The following TNS3 variants were observed in gnomAD, a reference collection of about 807,000 sequenced individuals.
TNS3 encodes tensin-3.
Under a neutral mutation model 140.9 loss-of-function variants are expected in TNS3, and 45 were observed. The observed-to-expected ratio is 0.32, with a 90% CI of 0.25 to 0.41. TNS3 has a LOEUF of 0.41. TNS3 is among the 10% of genes least tolerant of loss of function. The pLI is 1.00. For synonymous variants in TNS3, 815 were observed against 788.4 expected (o/e 1.03, Z -0.56); for missense variants, 1,716 against 1,906.7 (o/e 0.90, Z 1.86).
At chr7:47,340,585 C>CTTTTTTCTTTTTTTTT in intron 20 of TNS3, among the ~76,000 whole-genome samples, 1 of 134,870 alleles carries the variant, frequency 7.4e-6, no homozygotes, top group South Asian at 2.4e-4. Flanking sequence ...TCTTTTTTTT[C>CTTTTTTCTTTTTTTTT]TTTTTTTTTT....
intron 17 of TNS3, among the ~76,000 whole-genome samples, chr7:47,349,742 C>A (rs552310115): frequency 2.8e-4 from 43 of 152,306 alleles, no homozygotes; most frequent in African/African-American, 9.9e-4. Flanking sequence ...AAAAACAGGA[C>A]AAAATGAGAC....
chr7:47,467,658 T>C (rs145224616), intron 4 of TNS3, among the ~76,000 whole-genome samples: 1 of 152,248 alleles, frequency 6.6e-6, no homozygotes, highest in Non-Finnish European at 1.5e-5. Flanking sequence ...TCAAGATGCC[T>C]TCAGTGACCT....
intron 1 of TNS3, among the ~76,000 whole-genome samples, chr7:47,553,293 C>A (rs1800109999): frequency 6.6e-6 from 1 of 152,216 alleles, no homozygotes. Flanking sequence ...TCAATGCAGA[C>A]AAAATCAGCC....
intron 3 of TNS3, among the ~76,000 whole-genome samples, chr7:47,497,697 A>ACACACACACACG (rs139313048): frequency 0.12 from 18,263 of 148,310 alleles, 1,478 homozygotes; most frequent in East Asian, 0.17. Context: ...ACACACACAC[A>ACACACACACACG]GAGCAGGAAA....
At position 47,336,548 on chromosome 7, in the gene TNS3, G is replaced by A. The variant is rs566008950; in HGVS notation, c.2650+8207C>T. ...TCTGTTTATTGTTTATTGAAGAATC[G>A]CTTGTTTGTGAGAAGGGTGGGTGAA... On this transcript the variant is annotated intron_variant, in intron 20 of 30. Coordinates refer to ENST00000311160, the MANE Select transcript of TNS3 (RefSeq NM_022748.12). Among the ~76,000 whole-genome samples, 13 of 152,258 alleles carry A rather than the reference G, an allele frequency of 8.5e-5. No individual in the cohort carries two copies. In the South Asian group the frequency reaches 1.9e-3, roughly 22 times the overall value.
chr7:47,376,777 C>G (rs1472146491), intron 16 of TNS3, among the ~76,000 whole-genome samples: 1 of 110,882 alleles, frequency 9.0e-6, no homozygotes, highest in Admixed American at 9.1e-5. Context: ...ACCTCACTCA[C>G]TCTTCAGAGA....
At chr7:47,567,386 A>G (rs1470531960) in intron 1 of TNS3, among the ~76,000 whole-genome samples, 1 of 152,124 alleles carries the variant, frequency 6.6e-6, no homozygotes, top group Non-Finnish European at 1.5e-5. Context: ...GCCATTCACA[A>G]TCACTTTAAG....
chr7:47,411,868 G>A, intron 12 of TNS3, 66 bp from the exon 13 acceptor site: 1 of 1,495,466 alleles, frequency 6.7e-7, no homozygotes, highest in Non-Finnish European at 9.2e-7. Flanking sequence ...AATACATGTA[G>A]AGAAAAGCAA....
chr7:47,370,303 C>A (rs761829535), intron 16 of TNS3, among the ~76,000 whole-genome samples: 6 of 152,044 alleles, frequency 3.9e-5, no homozygotes, highest in Non-Finnish European at 7.4e-5. Context: ...AAGAAAAAAA[C>A]TGAATGTCTG....
At chr7:47,471,424 A>G (rs946395080) in intron 4 of TNS3, among the ~76,000 whole-genome samples, 12 of 151,818 alleles carry the variant, frequency 7.9e-5, no homozygotes, top group African/African-American at 2.2e-4. Flanking sequence ...CCACTCACCC[A>G]TGGAGTCATT....
chr7:47,453,284 T>G, intron 4 of TNS3: 1 of 982,344 alleles, frequency 1.0e-6, no homozygotes, highest in Non-Finnish European at 1.2e-6. Context: ...AACAGCGCTC[T>G]CCGGGAGAGC....
intron 16 of TNS3, among the ~76,000 whole-genome samples, chr7:47,379,150 G>A (rs956619198): frequency 5.9e-5 from 9 of 152,128 alleles, no homozygotes; most frequent in East Asian, 3.9e-4. Context: ...GGGGAGGTAC[G>A]GGTAGCCCGG....
chr7:47,439,737 G>T, intron 5 of TNS3, 79 bp from the exon 6 acceptor site: 1 of 1,467,578 alleles, frequency 6.8e-7, no homozygotes, highest in Admixed American at 1.9e-5. Flanking sequence ...AGGTGAAGAC[G>T]ACGGACACTC....
intron 2 of TNS3, among the ~76,000 whole-genome samples, chr7:47,507,209 G>A (rs191534477): frequency 8.3e-4 from 126 of 152,300 alleles, no homozygotes; most frequent in African/African-American, 2.8e-3. Context: ...TTGGGAGCAC[G>A]GTCATGAGCA....
chr7:47,574,673 C>T (rs1290440464), intron 1 of TNS3, among the ~76,000 whole-genome samples: 1 of 151,712 alleles, frequency 6.6e-6, no homozygotes, highest in Non-Finnish European at 1.5e-5. Flanking sequence ...TATTATTCAG[C>T]CTTAAAAAGA....
chr7:47,485,198 G>C (rs1327929974), intron 3 of TNS3, among the ~76,000 whole-genome samples: 1 of 152,232 alleles, frequency 6.6e-6, no homozygotes, highest in South Asian at 2.1e-4. Flanking sequence ...GCAGGGGCGT[G>C]AAAGGATGAG....
chr7:47,383,392 G>A (rs1389981497), intron 16 of TNS3, among the ~76,000 whole-genome samples: 3 of 152,196 alleles, frequency 2.0e-5, no homozygotes, highest in African/African-American at 7.2e-5. Flanking sequence ...CTGAGGAAAG[G>A]AGGAACTGGG....
At position 47,442,154 on chromosome 7, in the gene TNS3, G is replaced by A. The variant is rs1163831029; in HGVS notation, c.-75-99C>T. ...AGGGAACAATGACAGCCGTTCCACA[G>A]TTTAATCATAAACAGCAAGTCAATC... is the stretch of plus-strand genomic sequence containing the variant. On this transcript the variant is annotated intron_variant, in intron 4 of 30. Coordinates refer to ENST00000311160, the MANE Select transcript of TNS3 (RefSeq NM_022748.12). 19 of 734,740 alleles carry A rather than the reference G, an allele frequency of 2.6e-5. No homozygotes were observed. In the East Asian group the frequency reaches 1.3e-3, roughly 49 times the overall value. 45.5% of individuals were successfully genotyped at this position (734,740 alleles called of 1,614,324 possible).
At chr7:47,316,524 T>C (rs1787419065) in intron 20 of TNS3, among the ~76,000 whole-genome samples, 1 of 151,848 alleles carries the variant, frequency 6.6e-6, no homozygotes, top group Non-Finnish European at 1.5e-5. Context: ...TCAGTAGTGA[T>C]TAGTTTTATT....
Sources: gnomAD v4.1 joint callset for allele counts (sites outside exome capture counted in the v4.1 genomes callset) on GRCh38, gnomAD v4.1.1 for gene constraint, MANE v1.5 for transcripts, NCBI Gene and HGNC (gene_info 2026-07-23, HGNC 2026-07-21) for gene names.